The following PSIP1 variants were observed in gnomAD, a reference collection of about 807,000 sequenced individuals.
PSIP1 encodes the protein PC4 and SFRS1-interacting protein.
In PSIP1, 19 loss-of-function variants were observed where a neutral mutation model predicts 74.7. The observed-to-expected ratio is 0.25, with a 90% CI of 0.18 to 0.37. PSIP1 has a LOEUF of 0.37. Among genes scored for constraint, PSIP1 ranks in the 10% least tolerant of loss-of-function variants. The pLI, the probability that PSIP1 is intolerant of heterozygous loss-of-function variation, is 1.00. For missense variants in PSIP1, 601 were observed against 614.3 expected (o/e 0.98, Z 0.23); for synonymous variants, 222 against 195.3 (o/e 1.14, Z -1.14).
intron 3 of PSIP1, 61 bp from the exon 4 acceptor site, chr9:15,490,185 T>C: frequency 7.1e-7 from 1 of 1,405,256 alleles, no homozygotes; most frequent in Non-Finnish European, 9.4e-7. Flanking sequence ...ATTTATTAGA[T>C]AAGACACCCT....
chr9:15,498,468 G>A (rs992030345), intron 3 of PSIP1, among the ~76,000 whole-genome samples: 1 of 151,102 alleles, frequency 6.6e-6, no homozygotes, highest in Non-Finnish European at 1.5e-5. Flanking sequence ...CAAGACTGAT[G>A]AACTCTTAAT....
Position 15,488,937 on chromosome 9 carries a change from T to C in PSIP1, c.288+1049A>G, listed in dbSNP as rs369697910. 4.1e-4 allele frequency among the ~76,000 whole-genome samples: 62 copies of C among 152,122 alleles called. No homozygotes were observed. In the East Asian group the frequency reaches 7.6e-3, roughly 19 times the overall value. ...TCGGAAGGCTGAGGCAGGAGAATGGTGTGAACCCGGGAGGCGGAGCTTACA... is the reference window on the plus strand; with the variant it reads ...TCGGAAGGCTGAGGCAGGAGAATGGCGTGAACCCGGGAGGCGGAGCTTACA... On this transcript the variant is annotated intron_variant, in intron 4 of 15. Transcript: ENST00000380733.
At chr9:15,504,793 C>T (rs2037509548) in intron 3 of PSIP1, among the ~76,000 whole-genome samples, 1 of 151,078 alleles carries the variant, frequency 6.6e-6, no homozygotes, top group South Asian at 2.1e-4. Context: ...GAATTAAAGA[C>T]TTTTAAGCTT....
At chr9:15,471,355 A>G in intron 10 of PSIP1, 1 of 1,563,082 alleles carries the variant, frequency 6.4e-7, no homozygotes, top group Non-Finnish European at 8.8e-7. Context: ...AAGGAAAGAA[A>G]ACACAAATAT....
In PSIP1 at chr9:15,506,569, A is replaced by G. The variant is rs1054634427; in HGVS notation, c.141T>C (p.Thr47=). The G allele has an allele frequency of 5.0e-6, 8 of 1,608,062 alleles. No homozygotes were observed. Among genetic ancestry groups the G allele is most frequent in the Non-Finnish European group, 6.8e-6 (8 of 1,174,674 alleles). The change falls in exon 3 of 16, where the codon ACT becomes ACC. Residue 47 remains threonine, a synonymous_variant. Transcript: ENST00000380733. ...TNKLPIFFFG[T]HETAFLGPKD... ...AAGCTAACAGGACTTACGTCTCATG[A>G]GTTCCAAAAAAGAAAATGGGTAGTT... is the stretch of plus-strand genomic sequence containing the variant.
At chr9:15,502,558 C>G (rs528775517) in intron 3 of PSIP1, among the ~76,000 whole-genome samples, 5 of 152,162 alleles carry the variant, frequency 3.3e-5, no homozygotes, top group Admixed American at 2.0e-4. Context: ...ACAGACATGT[C>G]CCAGTGTGCC....
At chr9:15,498,544 T>A (rs1396613468) in intron 3 of PSIP1, among the ~76,000 whole-genome samples, 2 of 151,846 alleles carry the variant, frequency 1.3e-5, no homozygotes, top group South Asian at 4.2e-4. Flanking sequence ...GTCCGACAGG[T>A]TTGGTGAACA....
chr9:15,485,843 A>C, intron 6 of PSIP1, 163 bp downstream of exon 6: 2 of 575,828 alleles, frequency 3.5e-6, no homozygotes, highest in Non-Finnish European at 6.0e-6. Context: ...ATCACTAAGA[A>C]AGAAACACAG....
At chr9:15,495,450 C>A (rs2132173090) in intron 3 of PSIP1, among the ~76,000 whole-genome samples, 1 of 152,204 alleles carries the variant, frequency 6.6e-6, no homozygotes, top group Middle Eastern at 3.4e-3. Context: ...TAGTCTATTA[C>A]TGACGGTTAT....
At chr9:15,483,398 T>C (rs1195286536) in intron 6 of PSIP1, among the ~76,000 whole-genome samples, 1 of 139,964 alleles carries the variant, frequency 7.1e-6, no homozygotes, top group Admixed American at 7.3e-5. Context: ...CAACTTAACC[T>C]CTTAAAGTGC....
intron 15 of PSIP1, among the ~76,000 whole-genome samples, chr9:15,466,192 A>G (rs1406504244): frequency 6.6e-6 from 1 of 152,238 alleles, no homozygotes; most frequent in Non-Finnish European, 1.5e-5. Context: ...GGGCTGGCCA[A>G]CATGGTGAAA....
At chr9:15,470,833 C>T in intron 10 of PSIP1, 2 of 1,031,922 alleles carry the variant, frequency 1.9e-6, no homozygotes, top group Non-Finnish European at 2.3e-6. Context: ...AGCTTCAAAA[C>T]AAAATGAATT....
chr9:15,474,325 G>T, intron 8 of PSIP1, 88 bp from the exon 9 acceptor site: 2 of 1,194,042 alleles, frequency 1.7e-6, no homozygotes, highest in Non-Finnish European at 2.3e-6. Context: ...TAATTTAAAG[G>T]CAAATCTAAA....
intron 2 of PSIP1, among the ~76,000 whole-genome samples, chr9:15,507,183 A>G (rs541488826): frequency 2.8e-4 from 43 of 152,360 alleles, no homozygotes; most frequent in African/African-American, 9.6e-4. Flanking sequence ...ATGTGCCTGA[A>G]TCACATGAGG....
chr9:15,490,557 C>A (rs1466296781), intron 3 of PSIP1, among the ~76,000 whole-genome samples: 1 of 151,856 alleles, frequency 6.6e-6, no homozygotes, highest in Non-Finnish European at 1.5e-5. Flanking sequence ...GTGGCGTGCA[C>A]CTGTAGTCCC....
chr9:15,506,712 A>G, intron 2 of PSIP1, 75 bp from the exon 3 acceptor site: 1 of 1,123,570 alleles, frequency 8.9e-7, no homozygotes, highest in Non-Finnish European at 1.3e-6. Context: ...AAACAAGAGC[A>G]CAACATCCAA....
intron 14 of PSIP1, 76 bp downstream of exon 14, chr9:15,468,554 T>TGA (rs1164207163): frequency 6.7e-7 from 1 of 1,482,650 alleles, no homozygotes; most frequent in Non-Finnish European, 9.4e-7. Flanking sequence ...AAACTATGTA[T>TGA]GAAAGCCATT....
At chr9:15,488,946 G>C (rs2737838) in intron 4 of PSIP1, among the ~76,000 whole-genome samples, 1 of 151,604 alleles carries the variant, frequency 6.6e-6, no homozygotes, top group African/African-American at 2.4e-5. Context: ...GTGTGAACCC[G>C]GGAGGCGGAG....
intron 8 of PSIP1, among the ~76,000 whole-genome samples, chr9:15,475,464 G>A (rs1456725750): frequency 6.6e-6 from 1 of 152,118 alleles, no homozygotes; most frequent in Non-Finnish European, 1.5e-5. Context: ...GAAGGAAATA[G>A]CTATTAAAAA....
Sources: allele counts gnomAD v4.1 joint callset (sites outside exome capture counted in the v4.1 genomes callset), GRCh38; gene constraint gnomAD v4.1.1; transcripts MANE v1.5; gene names NCBI Gene and HGNC (gene_info 2026-07-23, HGNC 2026-07-21).